The following SLC22A15 variants were observed in gnomAD, a reference collection of about 807,000 sequenced individuals.
The protein encoded by SLC22A15 is solute carrier family 22 member 15, also known as flipt 1.
In SLC22A15, 45 loss-of-function variants were observed where a neutral mutation model predicts 62.7. The observed-to-expected ratio is 0.72, with a 90% CI of 0.56 to 0.92. The LOEUF (loss-of-function observed/expected upper bound fraction) is 0.92. Ranked by LOEUF, SLC22A15 falls within the 40% of genes least tolerant of loss-of-function variation. The pLI is 0.00. For missense variants in SLC22A15, 622 were observed against 665.6 expected (o/e 0.93, Z 0.72); for synonymous variants, 264 against 267.0 (o/e 0.99, Z 0.11).
Position 115,992,101 on chromosome 1 carries a change from C to G in SLC22A15, c.158C>G (p.Ala53Gly), listed in dbSNP as rs1235651335. The change falls in exon 2 of 12, where the codon GCA becomes GGA. Residue 53 changes from alanine to glycine, a missense_variant. Ala to Gly is a moderately conservative substitution (Grantham distance 60). Coordinates refer to ENST00000369503, the MANE Select transcript of SLC22A15 (RefSeq NM_018420.3). ...GATPSYHWDLAELLPNQSHGN... is the reference protein window; with the variant it reads ...GATPSYHWDLGELLPNQSHGN... ...ACGCCATCCTACCACTGGGACCTGG[C>G]AGAGCTCCTGCCAAATCAGAGCCAC... 6.2e-7 allele frequency: 1 copy of G among 1,613,840 alleles called. No individual in the cohort carries two copies. The highest frequency in any genetic ancestry group is 8.5e-7 in the Non-Finnish European group (1 of 1,179,870).
intron 1 of SLC22A15, among the ~76,000 whole-genome samples, chr1:115,988,151 G>C (rs1216730977): frequency 1.3e-5 from 2 of 152,208 alleles, no homozygotes; most frequent in Non-Finnish European, 2.9e-5. Context: ...CCTAGAGGTA[G>C]AGCTAGAGAA....
In SLC22A15 at chr1:116,057,145, G is replaced by A. The variant is rs548862612; in HGVS notation, c.1172-5617G>A. Among the ~76,000 whole-genome samples, 1,436 of 151,782 alleles carry A rather than the reference G, an allele frequency of 9.5e-3. 32 individuals carry two copies. Among genetic ancestry groups the A allele is most frequent in the African/African-American group, 0.033 (1,355 of 41,338 alleles). On this transcript the variant is annotated intron_variant, in intron 8 of 11. Transcript: ENST00000369503. ...ACCTACAAAATGGGAGAAAATTTTCGCAACCTACTCATCTGACAAAGGGCT... is the reference window on the plus strand; with the variant it reads ...ACCTACAAAATGGGAGAAAATTTTCACAACCTACTCATCTGACAAAGGGCT...
intron 4 of SLC22A15, among the ~76,000 whole-genome samples, chr1:116,026,407 CAG>C (rs1028328159): frequency 3.3e-5 from 5 of 149,808 alleles, no homozygotes; most frequent in African/African-American, 1.2e-4. Flanking sequence ...GCCTGGGCGA[CAG>C]AGCGAGATTC....
intron 5 of SLC22A15, among the ~76,000 whole-genome samples, chr1:116,028,964 A>C (rs1557895841): frequency 1.3e-5 from 2 of 152,096 alleles, no homozygotes; most frequent in Non-Finnish European, 2.9e-5. Flanking sequence ...CACGGCATTC[A>C]CCCATACCCT....
chr1:116,007,883 T>G (rs921107222), intron 2 of SLC22A15, among the ~76,000 whole-genome samples: 1 of 152,246 alleles, frequency 6.6e-6, no homozygotes, highest in Non-Finnish European at 1.5e-5. Flanking sequence ...GTATCTTAGT[T>G]GGCATTTCAG....
chr1:116,060,573 A>G (rs1658356575), intron 8 of SLC22A15, among the ~76,000 whole-genome samples: 1 of 152,224 alleles, frequency 6.6e-6, no homozygotes, highest in Non-Finnish European at 1.5e-5. Context: ...ACCATTCTGT[A>G]TGGGTTGAAA....
At chr1:116,020,254 A>AC (rs1656751189) in intron 3 of SLC22A15, among the ~76,000 whole-genome samples, 1 of 151,402 alleles carries the variant, frequency 6.6e-6, no homozygotes, top group East Asian at 1.9e-4. Flanking sequence ...GTTAAAAAAA[A>AC]AAAAAAACAC....
chr1:116,034,995 T>G (rs538414408), intron 6 of SLC22A15, among the ~76,000 whole-genome samples, 192 bp from the exon 7 acceptor site: 1 of 152,314 alleles, frequency 6.6e-6, no homozygotes, highest in Admixed American at 6.5e-5. Flanking sequence ...ACCCCCATAA[T>G]TTTTTTGTTT....
intron 1 of SLC22A15, among the ~76,000 whole-genome samples, chr1:115,988,153 G>A (rs1394775374): frequency 6.6e-6 from 1 of 152,210 alleles, no homozygotes; most frequent in Non-Finnish European, 1.5e-5. Flanking sequence ...TAGAGGTAGA[G>A]CTAGAGAAGA....
chr1:116,020,480 C>T (rs1656768556), intron 3 of SLC22A15, among the ~76,000 whole-genome samples: 2 of 150,094 alleles, frequency 1.3e-5, no homozygotes, highest in Non-Finnish European at 3.0e-5. Context: ...GGTGTGAACC[C>T]GGGAGGCGGA....
intron 8 of SLC22A15, among the ~76,000 whole-genome samples, chr1:116,052,366 G>A (rs923616105): frequency 2.6e-5 from 4 of 152,254 alleles, no homozygotes; most frequent in African/African-American, 7.2e-5. Context: ...CCATTGCCCA[G>A]GCTTGCTTAG....
chr1:115,980,016 A>ATT (rs1654538318), intron 1 of SLC22A15, among the ~76,000 whole-genome samples: 1 of 150,782 alleles, frequency 6.6e-6, no homozygotes, highest in East Asian at 1.9e-4. Flanking sequence ...TAATAACCTT[A>ATT]TTTTTTAGAT....
chr1:115,979,622 C>G (rs1269857989), intron 1 of SLC22A15, among the ~76,000 whole-genome samples: 1 of 152,158 alleles, frequency 6.6e-6, no homozygotes, highest in Admixed American at 6.5e-5. Flanking sequence ...ATTACTGTTT[C>G]TCTTCTGATG....
Position 116,052,051 on chromosome 1 carries a change from C to T in SLC22A15, c.1172-10711C>T, listed in dbSNP as rs540911560. On this transcript the variant is annotated intron_variant, in intron 8 of 11. Coordinates refer to ENST00000369503, the MANE Select transcript of SLC22A15 (RefSeq NM_018420.3). The stretch of plus-strand genomic sequence containing the variant: ...TCACTAGGGAGTGCCAGACAGTGGG[C>T]GCAGGACAGTGGGTGCAGTGCACCA... 9.2e-4 allele frequency among the ~76,000 whole-genome samples: 140 copies of T among 152,262 alleles called. 2 individuals are homozygous for T. The highest frequency in any genetic ancestry group is 7.5e-3 in the South Asian group (36 of 4,826).
At chr1:116,046,426 G>C (rs1657932387) in intron 8 of SLC22A15, among the ~76,000 whole-genome samples, 1 of 152,170 alleles carries the variant, frequency 6.6e-6, no homozygotes, top group African/African-American at 2.4e-5. Context: ...GATTTGAATG[G>C]ATGCTTCTCC....
At chr1:116,012,662 G>A (rs1191291984) in intron 2 of SLC22A15, among the ~76,000 whole-genome samples, 10 of 152,178 alleles carry the variant, frequency 6.6e-5, no homozygotes, top group Non-Finnish European at 1.0e-4. Flanking sequence ...TAAGATACAC[G>A]CTGAAACAAA....
chr1:116,066,526 G>T lies in SLC22A15; in HGVS notation c.1372G>T (p.Val458Leu). ...IAPFIPSLKY[V>L]QWSLPFIVFG... ...CCACTCCCCGCCTCTGCAGAAATAT[G>T]TGCAATGGTCTTTACCATTCATTGT... Residue 458 changes from valine to leucine, a missense_variant, in exon 11 of 12, where the codon GTG becomes TTG. By Grantham distance (32) the Val-to-Leu change is conservative (BLOSUM62 1). Coordinates refer to ENST00000369503, the MANE Select transcript of SLC22A15 (RefSeq NM_018420.3). 1 of 1,597,832 alleles carries T rather than the reference G, an allele frequency of 6.3e-7. No homozygotes were observed.
At chr1:116,005,278 A>G (rs1415511336) in intron 2 of SLC22A15, among the ~76,000 whole-genome samples, 1 of 152,022 alleles carries the variant, frequency 6.6e-6, no homozygotes, top group Non-Finnish European at 1.5e-5. Flanking sequence ...ATCATTTCTG[A>G]TATGCCTATC....
chr1:116,063,054 G>A (rs1306815009), intron 9 of SLC22A15, among the ~76,000 whole-genome samples, 172 bp downstream of exon 9: 1 of 152,228 alleles, frequency 6.6e-6, no homozygotes, highest in Non-Finnish European at 1.5e-5. Flanking sequence ...CTCTCTGCCT[G>A]CTCTGCTAGG....
Sources: gnomAD v4.1 joint callset for allele counts (sites outside exome capture counted in the v4.1 genomes callset) on GRCh38, gnomAD v4.1.1 for gene constraint, MANE v1.5 for transcripts, NCBI Gene and HGNC (gene_info 2026-07-23, HGNC 2026-07-21) for gene names.